MED24: variants seen among roughly 807,000 people sequenced by gnomAD.
MED24 encodes mediator of RNA polymerase II transcription subunit 24.
In MED24, 74 loss-of-function variants were observed where a neutral mutation model predicts 118.8. The observed-to-expected ratio is 0.62, with a 90% CI of 0.52 to 0.76. The LOEUF is 0.76. Among genes scored for constraint, MED24 ranks in the 30% least tolerant of loss-of-function variants. MED24 has a pLI of 0.00. For missense variants in MED24, 1,041 were observed against 1,278.9 expected (o/e 0.81, Z 2.84); for synonymous variants, 521 against 523.9 (o/e 0.99, Z 0.08).
chr17:40,046,400 T>TA (rs1322626901), intron 3 of MED24, among the ~76,000 whole-genome samples: 6 of 145,486 alleles, frequency 4.1e-5, no homozygotes, highest in Non-Finnish European at 6.0e-5. Flanking sequence ...AAATTTTTAA[T>TA]AAAAAAAAAT....
intron 3 of MED24, among the ~76,000 whole-genome samples, chr17:40,045,335 G>C (rs758963826): frequency 5.9e-5 from 9 of 152,086 alleles, no homozygotes; most frequent in Non-Finnish European, 1.0e-4. Flanking sequence ...TGTAATCCCA[G>C]CTACTTGGGA....
chr17:40,046,028 C>T (rs1486116156), intron 3 of MED24, among the ~76,000 whole-genome samples: 2 of 151,668 alleles, frequency 1.3e-5, no homozygotes, highest in Admixed American at 6.6e-5. Flanking sequence ...CCACCCGCCT[C>T]GGCCTCCCAA....
At position 40,031,672 on chromosome 17, in the gene MED24, T is replaced by C. The variant is rs190035348; in HGVS notation, c.985-52A>G. 8 of 1,526,098 alleles carry C rather than the reference T, an allele frequency of 5.2e-6. 2 individuals are homozygous for C. The South Asian group carries it at 9.1e-5, about 17-fold the overall frequency. The allele number at this position is 1,526,098 out of a possible 1,614,324, so 94.5% of individuals were successfully genotyped here. ...GGTTTCCAGGGCCACCAGGCCCTGATCATCTCAGGCAACCTTGTCTGCTGG... is the reference window on the plus strand; with the variant it reads ...GGTTTCCAGGGCCACCAGGCCCTGACCATCTCAGGCAACCTTGTCTGCTGG... On this transcript the variant is annotated intron_variant, in intron 10 of 25. Transcript: ENST00000394128.
intron 3 of MED24, among the ~76,000 whole-genome samples, chr17:40,046,109 C>G (rs1291925134): frequency 8.0e-6 from 1 of 124,348 alleles, no homozygotes; most frequent in African/African-American, 3.3e-5. Context: ...TTTTTTGAGA[C>G]GGAGTCTCAC....
intron 3 of MED24, among the ~76,000 whole-genome samples, chr17:40,039,676 GCT>G (rs1460671356): frequency 2.0e-5 from 3 of 151,886 alleles, no homozygotes; most frequent in Non-Finnish European, 2.9e-5. Context: ...ACAGGGTCTC[GCT>G]CTGTCACCCA....
At position 40,033,315 on chromosome 17, in the gene MED24, C is replaced by T. The variant is rs1568165614; in HGVS notation, c.671+30G>A. 2 of 1,612,390 alleles carry T rather than the reference C, an allele frequency of 1.2e-6. No individual in the cohort carries two copies. Among genetic ancestry groups the T allele is most frequent in the South Asian group, 1.1e-5 (1 of 90,982 alleles). On this transcript the variant is annotated intron_variant, in intron 7 of 25. Coordinates refer to ENST00000394128, the MANE Select transcript of MED24 (RefSeq NM_014815.4). The surrounding 1 kb of genome is among the most constrained non-coding windows in gnomAD (Gnocchi z 5.2). ...ACCCCAGGGCGTGTCCTCCCTCTCCCTTCTCCACCATCCCCCAGGGAGCCG... is the reference window on the plus strand; with the variant it reads ...ACCCCAGGGCGTGTCCTCCCTCTCCTTTCTCCACCATCCCCCAGGGAGCCG...
intron 16 of MED24, 80 bp downstream of exon 16, chr17:40,027,303 G>A (rs1366178821): frequency 1.3e-5 from 19 of 1,451,600 alleles, no homozygotes; most frequent in Non-Finnish European, 1.7e-5. Context: ...GAGGCTGCGG[G>A]GGCGCAGGCA....
At chr17:40,030,588 C>T (rs978247958) in intron 12 of MED24, among the ~76,000 whole-genome samples, 3 of 152,022 alleles carry the variant, frequency 2.0e-5, no homozygotes, top group Non-Finnish European at 2.9e-5. Flanking sequence ...CCACCGCAGC[C>T]GGCCTATCAT....
chr17:40,053,376 C>G lies in MED24; in HGVS notation c.135G>C (p.Ala45=), dbSNP rs142886434. ...GTCCAATCATGGCCTGCTCTAGTAA[C>G]GCATCTGCAAGAGGAATAGCAAAAC... The part of the protein sequence containing the change: ...ATWDILNLAD[A]LLEQAMIGPS... Residue 45 remains alanine, a synonymous_variant, in exon 3 of 26, where the codon GCG becomes GCC. Coordinates refer to ENST00000394128, the MANE Select transcript of MED24 (RefSeq NM_014815.4). 1 of 1,613,060 alleles carries G rather than the reference C, an allele frequency of 6.2e-7. No homozygotes were observed. Among genetic ancestry groups the G allele is most frequent in the Non-Finnish European group, 8.5e-7 (1 of 1,179,372 alleles).
At chr17:40,053,069 G>A (rs1986013429) in intron 3 of MED24, among the ~76,000 whole-genome samples, 1 of 151,998 alleles carries the variant, frequency 6.6e-6, no homozygotes, top group Non-Finnish European at 1.5e-5. Flanking sequence ...CAAGTAGCTG[G>A]GACTACAGGG....
At chr17:40,043,276 C>G (rs1984748411) in intron 3 of MED24, among the ~76,000 whole-genome samples, 1 of 152,156 alleles carries the variant, frequency 6.6e-6, no homozygotes, top group Admixed American at 6.6e-5. Context: ...TTTCCCCTTC[C>G]CAGATCCCGT....
chr17:40,025,828 A>G (rs7503939), intron 19 of MED24, among the ~76,000 whole-genome samples: 34,301 of 152,064 alleles, frequency 0.23, 3,998 homozygotes, highest in South Asian at 0.27. Context: ...GGCCTGTAAA[A>G]TCTACAGACA....
rs749979410 is a variant in MED24, at chr17:40,019,974, G to A, written c.2705-41C>T. 19 of 1,548,062 alleles carry A rather than the reference G, an allele frequency of 1.2e-5. No homozygotes were observed. In the Admixed American group the frequency reaches 2.7e-4, roughly 22 times the overall value. ...GGAGAGTGACAGGAGGGAGTTCCATGAGAGTGGGTGAGGTCACACTCTGGG... is the reference window on the plus strand; with the variant it reads ...GGAGAGTGACAGGAGGGAGTTCCATAAGAGTGGGTGAGGTCACACTCTGGG... On this transcript the variant is annotated intron_variant, in intron 24 of 25. Coordinates refer to ENST00000394128, the MANE Select transcript of MED24 (RefSeq NM_014815.4).
In MED24 at chr17:40,019,621, C is replaced by T. The variant is rs1216076452; in HGVS notation, c.2878G>A (p.Ala960Thr). ...TTVSELVKVSAMSSPKVVLAI... is the reference protein window; with the variant it reads ...TTVSELVKVSTMSSPKVVLAI... ...AGAACCACCTTGGGGCTGGACATGG[C>T]TGACACCTTCACCAGTTCCGACACC... Residue 960 changes from alanine (A) to threonine (T), a missense_variant, in exon 26 of 26, where the codon GCC (alanine) becomes ACC (threonine). By Grantham distance (58) the Ala-to-Thr change is moderately conservative (BLOSUM62 0). Around this residue, in one of 3 missense-constraint regions of MED24, gnomAD observed 587 missense variants for 694.4 expected, o/e 0.85. Transcript: ENST00000394128. 6.2e-7 allele frequency: 1 copy of T among 1,602,180 alleles called. No homozygotes were observed. Among genetic ancestry groups the T allele is most frequent in the Non-Finnish European group, 8.5e-7 (1 of 1,172,860 alleles).
At chr17:40,020,406 T>G (rs766454896) in intron 23 of MED24, 53 bp from the exon 24 acceptor site, 2 of 1,557,540 alleles carry the variant, frequency 1.3e-6, no homozygotes, top group Admixed American at 1.9e-5. Flanking sequence ...AGTGCAAAAG[T>G]GGTGCTCCCC....
chr17:40,045,819 C>G (rs1458839629), intron 3 of MED24, among the ~76,000 whole-genome samples: 2 of 152,186 alleles, frequency 1.3e-5, no homozygotes, highest in Non-Finnish European at 2.9e-5. Flanking sequence ...GCTCTGTCAA[C>G]CAGGCTGGAG....
At chr17:40,049,223 G>A (rs1367348539) in intron 3 of MED24, among the ~76,000 whole-genome samples, 2 of 151,984 alleles carry the variant, frequency 1.3e-5, no homozygotes, top group East Asian at 1.9e-4. Flanking sequence ...AAGAAAAAGG[G>A]GTCCTGAGAG....
At chr17:40,036,300 G>A in intron 3 of MED24, 146 bp from the exon 4 acceptor site, 1 of 739,562 alleles carries the variant, frequency 1.4e-6, no homozygotes. Flanking sequence ...GAGAGGCAGT[G>A]TCACTGTGCA....
Position 40,036,120 on chromosome 17 carries a change from C to T in MED24, c.248G>A (p.Ser83Asn). ...CCTGAGTGTCTATGGTCATACCTTA[C>T]TGATGGCTGTGAGGACAGAAGAGTA... The part of the protein sequence containing the change: ...VSYSSVLTAI[S>N]KFDDFSRDLC... The change falls in exon 4 of 26, where the codon AGT becomes AAT. Residue 83 changes from serine to asparagine, a missense_variant. By Grantham distance (46) the Ser-to-Asn change is conservative. Coordinates refer to ENST00000394128, the MANE Select transcript of MED24 (RefSeq NM_014815.4). 1 of 1,612,362 alleles carries T rather than the reference C, an allele frequency of 6.2e-7. No individual in the cohort carries two copies. Among genetic ancestry groups the T allele is most frequent in the Non-Finnish European group, 8.5e-7 (1 of 1,178,340 alleles).
Sources: gnomAD v4.1 joint callset for allele counts (sites outside exome capture counted in the v4.1 genomes callset) on GRCh38, gnomAD v4.1.1 for gene constraint, gnomAD v4.1.1 regional missense constraint, Gnocchi (gnomAD v3.1) non-coding constraint, MANE v1.5 for transcripts, NCBI Gene and HGNC (gene_info 2026-07-23, HGNC 2026-07-21) for gene names.